FSD1L: variants seen among roughly 807,000 people sequenced by gnomAD.
FSD1L encodes FSD1-like protein.
A neutral mutation model predicts 71.6 loss-of-function variants in FSD1L; 45 were observed. The observed-to-expected ratio is 0.63, with a 90% CI of 0.49 to 0.81. FSD1L has a LOEUF of 0.81. Among genes scored for constraint, FSD1L ranks in the 30% least tolerant of loss-of-function variants. FSD1L has a pLI of 0.00. For synonymous variants in FSD1L, 197 were observed against 207.2 expected (o/e 0.95, Z 0.42); for missense variants, 561 against 618.1 (o/e 0.91, Z 0.98).
chr9:105,541,863 A>T (rs1010861292), intron 13 of FSD1L, among the ~76,000 whole-genome samples: 3 of 152,198 alleles, frequency 2.0e-5, no homozygotes, highest in African/African-American at 2.4e-5. Context: ...TTTCCAGAAC[A>T]TCGTATAAAT....
At chr9:105,523,372 T>A in intron 10 of FSD1L, 1 of 1,604,982 alleles carries the variant, frequency 6.2e-7, no homozygotes, top group African/African-American at 1.3e-5. Flanking sequence ...ATTAGTGAAT[T>A]TCCATCAGAA....
intron 8 of FSD1L, 71 bp from the exon 9 acceptor site, chr9:105,508,546 C>T (rs2131366006): frequency 2.4e-6 from 2 of 847,582 alleles, no homozygotes; most frequent in Non-Finnish European, 3.9e-6. Context: ...TGCCTGAAGG[C>T]TCATACTCTT....
At chr9:105,535,401 T>A in intron 12 of FSD1L, 83 bp downstream of exon 12, 1 of 1,368,938 alleles carries the variant, frequency 7.3e-7, no homozygotes, top group South Asian at 1.3e-5. Flanking sequence ...ATACAGGATT[T>A]CCATTAGTAT....
chr9:105,496,406 G>A (rs144155569), intron 7 of FSD1L, among the ~76,000 whole-genome samples: 31 of 152,116 alleles, frequency 2.0e-4, no homozygotes, highest in African/African-American at 7.0e-4. Context: ...AAACTTTAGA[G>A]TCATCTTATT....
intron 7 of FSD1L, among the ~76,000 whole-genome samples, chr9:105,496,767 G>A (rs1833438592): frequency 6.6e-6 from 1 of 152,212 alleles, no homozygotes; most frequent in Admixed American, 6.5e-5. Flanking sequence ...AGTTTCAGGA[G>A]TTTTTTGTTG....
chr9:105,448,148 T>G lies in FSD1L; in HGVS notation c.-73T>G. The G allele has an allele frequency of 6.9e-7, 1 of 1,458,330 alleles. No individual in the cohort carries two copies. Among genetic ancestry groups the G allele is most frequent in the Non-Finnish European group, 9.4e-7 (1 of 1,066,606 alleles). The allele number at this position is 1,458,330 out of a possible 1,614,324, so 90.3% of individuals were successfully genotyped here. On this transcript the variant is annotated 5_prime_UTR_variant, in exon 1 of 14. Transcript: ENST00000481272. ...AGTGCAGTGAGTAGCGGTCTTGGGG[T>G]GTGCGATCTCGCTGAGCCTCCTCAC...
chr9:105,547,155 G>A lies in FSD1L; in HGVS notation c.*672G>A, dbSNP rs1389386723. 6.6e-6 allele frequency: 1 copy of A among 152,492 alleles called. No homozygotes were observed. Among genetic ancestry groups the A allele is most frequent in the Admixed American group, 6.5e-5 (1 of 15,274 alleles). The allele number at this position is 152,492 out of a possible 1,614,324, so 9.4% of individuals were successfully genotyped here. ...TTCTTTACCTACTGCACTAACAATG[G>A]CAAGGGGGGTATTCTTTATATGTTG... On this transcript the variant is annotated 3_prime_UTR_variant, in exon 14 of 14. Coordinates refer to ENST00000481272, the MANE Select transcript of FSD1L (RefSeq NM_001145313.3).
chr9:105,534,980 G>C (rs756875248), intron 11 of FSD1L, 87 bp from the exon 12 acceptor site: 4 of 1,318,242 alleles, frequency 3.0e-6, no homozygotes, highest in Non-Finnish European at 3.2e-6. Flanking sequence ...AAAAATTTTT[G>C]TGTCTTTTTT....
At position 105,551,894 on chromosome 9, in the gene FSD1L, A is replaced by T. The variant is rs1837279049; in HGVS notation, c.*5411A>T. Reference sequence around the variant, plus strand: ...CTAAACAGTTCTTTCCAAACAACCAAATGGCTGGGCAGCTTGTTGTCACGG... The same window carrying T: ...CTAAACAGTTCTTTCCAAACAACCATATGGCTGGGCAGCTTGTTGTCACGG... On this transcript the variant is annotated 3_prime_UTR_variant, in exon 14 of 14. Transcript: ENST00000481272. The T allele has an allele frequency of 6.6e-6, 1 of 152,188 alleles. No homozygotes were observed. Among genetic ancestry groups the T allele is most frequent in the Non-Finnish European group, 1.5e-5 (1 of 68,020 alleles). The allele number at this position is 152,188 out of a possible 1,614,324, so 9.4% of individuals were successfully genotyped here.
intron 2 of FSD1L, among the ~76,000 whole-genome samples, chr9:105,462,711 C>T (rs1474313420): frequency 5.3e-5 from 8 of 150,178 alleles, no homozygotes; most frequent in South Asian, 2.1e-4. Context: ...TTAGTAGAGA[C>T]GGGGTTTCAC....
At chr9:105,523,077 G>C in intron 10 of FSD1L, 1 of 1,614,180 alleles carries the variant, frequency 6.2e-7, no homozygotes, top group Non-Finnish European at 8.5e-7. Context: ...TGCTGATGTG[G>C]ATTCAGGTTC....
intron 5 of FSD1L, chr9:105,473,258 A>G (rs1325568577): frequency 6.6e-6 from 1 of 152,350 alleles, no homozygotes; most frequent in Non-Finnish European, 1.5e-5. Context: ...CCGAGCTGTG[A>G]TTACACTGCT....
At chr9:105,501,113 T>C (rs1833729843) in intron 7 of FSD1L, among the ~76,000 whole-genome samples, 1 of 152,222 alleles carries the variant, frequency 6.6e-6, no homozygotes, top group Non-Finnish European at 1.5e-5. Context: ...TTCAAGAGTC[T>C]TAGTGTTGGA....
Position 105,481,176 on chromosome 9 carries a change from T to TGTGG in FSD1L, c.464+1801_464+1804dup, listed in dbSNP as rs1554704182. Among the ~76,000 whole-genome samples, 171 of 123,194 alleles carry TGTGG rather than the reference T, an allele frequency of 1.4e-3. 3 individuals carry two copies. Among genetic ancestry groups the TGTGG allele is most frequent in the Middle Eastern group, 8.8e-3 (2 of 226 alleles). The allele number at this position is 123,194 out of a possible 152,430, so 80.8% of individuals were successfully genotyped here. A position where few individuals can be genotyped will look rare whatever the true frequency, so the allele number is the denominator to read the frequency against. ...GTGTGTGTGTGTGTGTGTGTGTGTG[T>TGTGG]GTGGTTCTTTTTTTTTTTTTTTTTT... On this transcript the variant is annotated intron_variant, in intron 6 of 13. Coordinates refer to ENST00000481272, the MANE Select transcript of FSD1L (RefSeq NM_001145313.3).
intron 7 of FSD1L, among the ~76,000 whole-genome samples, chr9:105,504,181 G>A (rs1833926059): frequency 6.6e-6 from 1 of 152,194 alleles, no homozygotes; most frequent in Non-Finnish European, 1.5e-5. Flanking sequence ...ATTCATGAAT[G>A]CCTATAGTCT....
chr9:105,533,722 C>T (rs1477507121), intron 10 of FSD1L, among the ~76,000 whole-genome samples: 1 of 150,688 alleles, frequency 6.6e-6, no homozygotes, highest in Admixed American at 6.6e-5. Context: ...CGTGCAGCCC[C>T]CCCGTCCCTT....
chr9:105,500,804 C>T (rs1290423721), intron 7 of FSD1L: 2 of 152,124 alleles, frequency 1.3e-5, no homozygotes, highest in African/African-American at 4.8e-5. Flanking sequence ...AAAATTTTGC[C>T]AAGGGATTAT....
intron 10 of FSD1L, chr9:105,523,862 T>C (rs1311165241): frequency 1.9e-6 from 3 of 1,596,758 alleles, no homozygotes; most frequent in African/African-American, 2.7e-5. Context: ...TTTCACTTGG[T>C]TTGCCTGGTG....
chr9:105,492,027 G>A (rs556577840), intron 7 of FSD1L, among the ~76,000 whole-genome samples: 251 of 152,024 alleles, frequency 1.7e-3, no homozygotes, highest in Non-Finnish European at 2.8e-3. Flanking sequence ...ATGAGTTAGG[G>A]AGGATTCCTT....
Sources: allele counts gnomAD v4.1 joint callset (sites outside exome capture counted in the v4.1 genomes callset), GRCh38; gene constraint gnomAD v4.1.1; transcripts MANE v1.5; gene names NCBI Gene and HGNC (gene_info 2026-07-23, HGNC 2026-07-21).